Variants in MDGA2 observed in about 807,000 individuals in gnomAD.
MDGA2 encodes MAM domain-containing glycosylphosphatidylinositol anchor protein 2.
In MDGA2, 40 loss-of-function variants were observed where a neutral mutation model predicts 117.8. The ratio of observed to expected loss-of-function variants is 0.34; its 90% CI spans 0.26 to 0.44. The LOEUF is 0.44. MDGA2 is among the 20% of genes least tolerant of loss of function. The pLI is 1.00. For synonymous variants in MDGA2, 452 were observed against 439.0 expected, an observed-to-expected ratio of 1.03 and a Z score of -0.37; for missense variants, 1,123 against 1,250.6, an observed-to-expected ratio of 0.90 and a Z score of 1.54.
At chr14:47,609,428 C>CATAGATATATATAT (rs1896799937) in intron 1 of MDGA2, among the ~76,000 whole-genome samples, 1 of 17,558 alleles carries the variant, frequency 5.7e-5, no homozygotes, top group African/African-American at 1.2e-4. Context: ...AGTATTCCAT[C>CATAGATATATATAT]ATATATATAT....
intron 1 of MDGA2, among the ~76,000 whole-genome samples, chr14:47,608,743 C>T (rs1896786280): frequency 6.6e-6 from 1 of 152,108 alleles, no homozygotes; most frequent in Admixed American, 6.6e-5. Context: ...ACTCTGGCTG[C>T]TGTACTGAAA....
At chr14:47,458,898 C>T (rs1893420966) in intron 1 of MDGA2, among the ~76,000 whole-genome samples, 1 of 149,958 alleles carries the variant, frequency 6.7e-6, no homozygotes, top group South Asian at 2.1e-4. Context: ...AGATGCAGCG[C>T]TTCCAGTTCA....
chr14:47,083,938 A>G (rs1051028139), intron 6 of MDGA2, among the ~76,000 whole-genome samples: 1 of 152,146 alleles, frequency 6.6e-6, no homozygotes, highest in Non-Finnish European at 1.5e-5. Flanking sequence ...AAGCAAAAAC[A>G]GATAGAACTG....
At chr14:47,549,852 A>G (rs1392009112) in intron 1 of MDGA2, among the ~76,000 whole-genome samples, 1 of 152,156 alleles carries the variant, frequency 6.6e-6, no homozygotes, top group Non-Finnish European at 1.5e-5. Context: ...CCAAGAAGAG[A>G]GCCCTCACCA....
At chr14:47,129,275 T>A (rs1339338242) in intron 5 of MDGA2, among the ~76,000 whole-genome samples, 1 of 147,528 alleles carries the variant, frequency 6.8e-6, no homozygotes, top group Non-Finnish European at 1.5e-5. Flanking sequence ...CAGAGTGTGA[T>A]GTTCCCCTTC....
intron 1 of MDGA2, among the ~76,000 whole-genome samples, chr14:47,386,547 A>G (rs1391063335): frequency 6.6e-6 from 1 of 152,192 alleles, no homozygotes; most frequent in Admixed American, 6.5e-5. Flanking sequence ...AGGAAATGGT[A>G]ATATAAAATG....
chr14:47,651,199 G>A (rs1309440260), intron 1 of MDGA2, among the ~76,000 whole-genome samples: 1 of 139,774 alleles, frequency 7.2e-6, no homozygotes. Context: ...GAGATTCTGT[G>A]TGTGTGTGCA....
At chr14:47,142,506 G>A (rs945341334) in intron 4 of MDGA2, among the ~76,000 whole-genome samples, 12 of 151,950 alleles carry the variant, frequency 7.9e-5, no homozygotes, top group Non-Finnish European at 8.8e-5. Context: ...GAGAAAAGAT[G>A]TTTAGAATTT....
intron 1 of MDGA2, among the ~76,000 whole-genome samples, chr14:47,567,040 G>C (rs1895932879): frequency 6.6e-6 from 1 of 151,700 alleles, no homozygotes; most frequent in South Asian, 2.1e-4. Flanking sequence ...GAGTAAATCA[G>C]ACTACAGGCA....
At chr14:47,499,978 G>A (rs1307524566) in intron 1 of MDGA2, among the ~76,000 whole-genome samples, 1 of 151,682 alleles carries the variant, frequency 6.6e-6, no homozygotes, top group Non-Finnish European at 1.5e-5. Flanking sequence ...AGACATTGTT[G>A]GAAAATACAC....
At chr14:46,899,249 C>A (rs1883194370) in intron 10 of MDGA2, among the ~76,000 whole-genome samples, 1 of 152,040 alleles carries the variant, frequency 6.6e-6, no homozygotes, top group South Asian at 2.1e-4. Flanking sequence ...AGTGTTTTCT[C>A]TCCTCCCCAC....
rs3040345 is a variant in MDGA2 at position 47,609,428 on chromosome 14, CATATATATATAT to C, written c.280+65077_280+65088del. Reference sequence around the variant, plus strand: ...TTTCTATGGCTGAGTAGTATTCCATCATATATATATATATATATATATATATATATATATATA... The same window carrying C: ...TTTCTATGGCTGAGTAGTATTCCATCATATATATATATATATATATATATA... On this transcript the variant is annotated intron_variant, in intron 1 of 16. Coordinates refer to ENST00000399232, the MANE Select transcript of MDGA2 (RefSeq NM_001113498.3). 3.6e-3 allele frequency among the ~76,000 whole-genome samples: 63 copies of C among 17,566 alleles called. 2 individuals are homozygous for C. The highest frequency in any genetic ancestry group is 0.016 in the East Asian group (3 of 190). The allele number at this position is 17,566 out of a possible 152,430, so 11.5% of individuals were successfully genotyped here.
chr14:47,180,586 C>T (rs1320977826), intron 3 of MDGA2, among the ~76,000 whole-genome samples: 2 of 152,140 alleles, frequency 1.3e-5, no homozygotes, highest in Non-Finnish European at 2.9e-5. Context: ...AGCTCAACAT[C>T]ACTGATCACT....
intron 3 of MDGA2, among the ~76,000 whole-genome samples, chr14:47,185,957 A>G (rs1566671340): frequency 6.6e-6 from 1 of 151,682 alleles, no homozygotes; most frequent in African/African-American, 2.4e-5. Context: ...ATTTATAATT[A>G]GGATGGAAGG....
intron 7 of MDGA2, among the ~76,000 whole-genome samples, chr14:47,039,672 T>C (rs1308274487): frequency 1.3e-5 from 2 of 152,182 alleles, no homozygotes; most frequent in Non-Finnish European, 2.9e-5. Flanking sequence ...AATGGAGTTG[T>C]TAAATAAATC....
chr14:47,289,478 T>A (rs1888807229), intron 2 of MDGA2, among the ~76,000 whole-genome samples: 1 of 151,914 alleles, frequency 6.6e-6, no homozygotes, highest in African/African-American at 2.4e-5. Flanking sequence ...AAACATATTG[T>A]GAAATATCTA....
chr14:47,309,617 T>C (rs1484880297), intron 1 of MDGA2, among the ~76,000 whole-genome samples: 1 of 152,120 alleles, frequency 6.6e-6, no homozygotes, highest in Non-Finnish European at 1.5e-5. Context: ...ATCCAGAAGC[T>C]TCTGGCTTCA....
chr14:46,905,959 TA>T (rs1476911771), intron 10 of MDGA2, among the ~76,000 whole-genome samples: 1 of 152,036 alleles, frequency 6.6e-6, no homozygotes, highest in African/African-American at 2.4e-5. Flanking sequence ...AAAATTTAAA[TA>T]AAAATATTTT....
chr14:47,309,907 T>C (rs1889579669), intron 1 of MDGA2, among the ~76,000 whole-genome samples: 1 of 152,066 alleles, frequency 6.6e-6, no homozygotes, highest in Non-Finnish European at 1.5e-5. Flanking sequence ...AAAAAATAAA[T>C]TATGTAATTT....
Sources: gnomAD v4.1 joint callset for allele counts (sites outside exome capture counted in the v4.1 genomes callset) on GRCh38, gnomAD v4.1.1 for gene constraint, MANE v1.5 for transcripts, NCBI Gene and HGNC (gene_info 2026-07-23, HGNC 2026-07-21) for gene names.